The following DAB1 variants were observed in gnomAD, a reference collection of about 807,000 sequenced individuals.
DAB1 encodes disabled homolog 1.
Under a neutral mutation model 64.6 loss-of-function variants are expected in DAB1, and 15 were observed. That is an observed-to-expected ratio of 0.23 (90% CI 0.16 to 0.36). DAB1 has a LOEUF of 0.36. Ranked by LOEUF, DAB1 falls within the 10% of genes least tolerant of loss-of-function variation. The probability of loss-of-function intolerance (pLI) is 1.00; values close to 1 mark genes in which losing one functional copy is unlikely to be tolerated. For synonymous variants in DAB1, 235 were observed against 251.9 expected (o/e 0.93, Z 0.64); for missense variants, 596 against 706.7 (o/e 0.84, Z 1.78).
chr1:57,099,446 C>T (rs1654466930), intron 4 of DAB1, among the ~76,000 whole-genome samples: 1 of 152,122 alleles, frequency 6.6e-6, no homozygotes, highest in African/African-American at 2.4e-5. Context: ...CACGGGTACT[C>T]AATAAATGTT....
At chr1:57,045,176 G>A (rs960608572) in intron 9 of DAB1, among the ~76,000 whole-genome samples, 21 of 152,200 alleles carry the variant, frequency 1.4e-4, no homozygotes, top group Non-Finnish European at 2.4e-4. Context: ...TAAGACTAGG[G>A]TGAGTGGTTA....
intron 2 of DAB1, among the ~76,000 whole-genome samples, chr1:57,225,477 C>T (rs187955761): frequency 6.6e-6 from 1 of 152,256 alleles, no homozygotes; most frequent in East Asian, 1.9e-4. Context: ...TCACCACCCA[C>T]CCATGCCACC....
At chr1:58,048,821 A>T in intron 5 of DAB1, 1 of 1,063,574 alleles carries the variant, frequency 9.4e-7, no homozygotes, top group Non-Finnish European at 1.4e-6. Flanking sequence ...TTATCCACGG[A>T]ATCATGGTTG....
intron 5 of DAB1, among the ~76,000 whole-genome samples, chr1:57,896,581 A>G (rs113720639): frequency 1.3e-5 from 2 of 152,106 alleles, no homozygotes; most frequent in Admixed American, 6.6e-5. Flanking sequence ...CTCTGACCAA[A>G]CCCCAGCTTC....
chr1:58,136,724 T>A (rs1653968124), intron 5 of DAB1, among the ~76,000 whole-genome samples: 1 of 152,184 alleles, frequency 6.6e-6, no homozygotes, highest in Admixed American at 6.5e-5. Context: ...GGAGGAGATG[T>A]TCATTTATCT....
At chr1:57,033,171 TACACACACAC>T (rs141683665) in intron 9 of DAB1, among the ~76,000 whole-genome samples, 2 of 149,362 alleles carry the variant, frequency 1.3e-5, no homozygotes, top group African/African-American at 5.0e-5. Context: ...CACTTTTGTT[TACACACACAC>T]ACACACACAC....
At chr1:58,139,685 AAAGTCTGATACGAAGTCTGTGAAAAGCTT>A (rs1380905904) in intron 5 of DAB1, among the ~76,000 whole-genome samples, 1 of 152,192 alleles carries the variant, frequency 6.6e-6, no homozygotes. Flanking sequence ...CATGGTACTA[AAAGTCTGATACGAAGTCTGTGAAAAGCTT>A]AAGCCTTGCT....
At chr1:58,480,842 T>C (rs944488193) in intron 3 of DAB1, 19 of 614,282 alleles carry the variant, frequency 3.1e-5, no homozygotes, top group Middle Eastern at 4.5e-4. Flanking sequence ...ATATCTGTAA[T>C]GTACATGATT....
intron 2 of DAB1, among the ~76,000 whole-genome samples, chr1:57,259,602 C>A (rs1670029492): frequency 6.6e-6 from 1 of 152,132 alleles, no homozygotes; most frequent in African/African-American, 2.4e-5. Context: ...CGAGGCAAGG[C>A]AGAGCAACGT....
chr1:58,384,583 G>A (rs895931104), intron 3 of DAB1, among the ~76,000 whole-genome samples: 2 of 152,124 alleles, frequency 1.3e-5, no homozygotes, highest in Non-Finnish European at 2.9e-5. Flanking sequence ...TAAGGAGTAT[G>A]GACTCACAGA....
chr1:58,481,727 G>A (rs1323025583), intron 3 of DAB1, among the ~76,000 whole-genome samples: 1 of 152,166 alleles, frequency 6.6e-6, no homozygotes, highest in Non-Finnish European at 1.5e-5. Context: ...AATCATGGAG[G>A]TGGGTGTTTC....
intron 1 of DAB1, among the ~76,000 whole-genome samples, chr1:57,413,037 T>C (rs755454663): frequency 1.3e-5 from 2 of 152,192 alleles, no homozygotes; most frequent in African/African-American, 2.4e-5. Flanking sequence ...ACTTTACTAT[T>C]GTGAAAATTC....
intron 5 of DAB1, among the ~76,000 whole-genome samples, chr1:58,066,551 C>A (rs369754734): frequency 1.3e-5 from 2 of 152,132 alleles, no homozygotes; most frequent in African/African-American, 4.8e-5. Flanking sequence ...AATCTCACAA[C>A]CATACGAAGT....
At chr1:58,027,625 C>T (rs1646913338) in intron 5 of DAB1, among the ~76,000 whole-genome samples, 1 of 151,960 alleles carries the variant, frequency 6.6e-6, no homozygotes, top group Non-Finnish European at 1.5e-5. Context: ...CCAGAAAGAC[C>T]TGGGTTGCCT....
chr1:57,216,265 T>C (rs965158958), intron 2 of DAB1, among the ~76,000 whole-genome samples: 1 of 152,082 alleles, frequency 6.6e-6, no homozygotes, highest in Non-Finnish European at 1.5e-5. Flanking sequence ...GTGGAGTGAA[T>C]GTGCCTCTCT....
chr1:57,375,616 T>G (rs1225413954), intron 1 of DAB1, among the ~76,000 whole-genome samples: 1 of 152,132 alleles, frequency 6.6e-6, no homozygotes, highest in Non-Finnish European at 1.5e-5. Flanking sequence ...CAGACAGTCT[T>G]GTCATAGAGC....
intron 4 of DAB1, among the ~76,000 whole-genome samples, chr1:58,238,409 G>A (rs888139580): frequency 1.3e-5 from 2 of 152,190 alleles, no homozygotes; most frequent in Admixed American, 1.3e-4. Flanking sequence ...ACAGAGAATA[G>A]AGACATGGGA....
chr1:58,544,356 T>A (rs7515354), intron 1 of DAB1, among the ~76,000 whole-genome samples: 139,571 of 152,200 alleles, frequency 0.92, 64,390 homozygotes, highest in East Asian at 1. Context: ...AAACAGATTT[T>A]AAAAAACCCT....
chr1:58,159,411 C>T (rs1013242039), intron 4 of DAB1, among the ~76,000 whole-genome samples: 2 of 152,104 alleles, frequency 1.3e-5, no homozygotes, highest in Admixed American at 6.5e-5. Flanking sequence ...ATATGAGGCC[C>T]AAGAACAGGC....
Sources: allele counts gnomAD v4.1 joint callset (sites outside exome capture counted in the v4.1 genomes callset), GRCh38; gene constraint gnomAD v4.1.1; transcripts MANE v1.5; gene names NCBI Gene and HGNC (gene_info 2026-07-23, HGNC 2026-07-21).